The following NEMP2 variants were observed in gnomAD, a reference collection of about 807,000 sequenced individuals.
The protein encoded by NEMP2 is UPF0571 transmembrane protein.
NEMP2 carries 53 observed loss-of-function variants against 54.2 expected under a neutral mutation model. That is an observed-to-expected ratio of 0.98 (90% CI 0.78 to 1.23). The LOEUF is 1.23. Among genes scored for constraint, NEMP2 ranks in the 50% most tolerant of loss-of-function variants. The pLI, the probability that NEMP2 is intolerant of heterozygous loss-of-function variation, is 0.00. For synonymous variants in NEMP2, 197 were observed against 190.3 expected (o/e 1.04, Z -0.29); for missense variants, 455 against 511.3 (o/e 0.89, Z 1.06).
upstream of NEMP2, among the ~76,000 whole-genome samples, chr2:190,535,386 TAAAA>T (rs919173215): frequency 7.2e-5 from 11 of 151,918 alleles, no homozygotes; most frequent in Middle Eastern, 3.4e-3. Context: ...TACCTTATGT[TAAAA>T]AAAAGTTTCT....
the NEMP2 span, among the ~76,000 whole-genome samples, chr2:190,621,210 A>G: frequency 4.5e-3 from 683 of 152,362 alleles, 6 homozygotes; most frequent in African/African-American, 0.015. Flanking sequence ...CACAGAGTGT[A>G]CTTATACAAA....
At chr2:190,639,250 T>C in the NEMP2 span, among the ~76,000 whole-genome samples, 4 of 151,990 alleles carry the variant, frequency 2.6e-5, no homozygotes, top group Non-Finnish European at 5.9e-5. Flanking sequence ...AAGAATTTGG[T>C]GTGGTGGGGT....
At chr2:190,641,728 C>A in the NEMP2 span, among the ~76,000 whole-genome samples, 1 of 152,156 alleles carries the variant, frequency 6.6e-6, no homozygotes, top group Admixed American at 6.5e-5. Flanking sequence ...GCCAGTGTGG[C>A]TGACACCTAA....
chr2:190,522,562 A>G lies in NEMP2; in HGVS notation c.213+2701T>C, dbSNP rs1038946265. Among the ~76,000 whole-genome samples, 2 of 152,184 alleles carry G rather than the reference A, an allele frequency of 1.3e-5. No homozygotes were observed. Among genetic ancestry groups the G allele is most frequent in the Non-Finnish European group, 2.9e-5 (2 of 68,038 alleles). ...GGGCACTCCAAAGTTAACCTGAAAA[A>G]TTGGTTCAGGCTATGCCAGGAAGCA... On this transcript the variant is annotated intron_variant, in intron 2 of 8. Coordinates refer to ENST00000409150, the MANE Select transcript of NEMP2 (RefSeq NM_001142645.2). This position sits in a 1 kb window ranked among gnomAD's most constrained non-coding sequence, Gnocchi z 5.0.
At chr2:190,441,194 C>T in the NEMP2 span, among the ~76,000 whole-genome samples, 1 of 152,032 alleles carries the variant, frequency 6.6e-6, no homozygotes, top group Non-Finnish European at 1.5e-5. Context: ...CTCCTTGCCC[C>T]GTATGAAAGG....
chr2:190,470,007 A>G, the NEMP2 span: 14 of 569,890 alleles, frequency 2.5e-5, no homozygotes, highest in Non-Finnish European at 4.2e-5. Flanking sequence ...AGATGACATC[A>G]GGAGGGATGG....
upstream of NEMP2, chr2:190,535,013 G>C (rs930483199): frequency 5.1e-6 from 1 of 196,696 alleles, no homozygotes; most frequent in Admixed American, 6.1e-5. Flanking sequence ...CGCTGCCCTC[G>C]GCGCAGGGGT....
chr2:190,519,201 G>A lies in NEMP2; in HGVS notation c.214-18C>T. On this transcript the variant is annotated intron_variant, in intron 2 of 8. Coordinates refer to ENST00000409150, the MANE Select transcript of NEMP2 (RefSeq NM_001142645.2). The surrounding 1 kb of genome is among the most constrained non-coding windows in gnomAD (Gnocchi z 5.4). ...ATTTTCACCTGTAAAACAAGAACAA[G>A]CAAATCCATAAACAGAATAACTTCT... The A allele has an allele frequency of 6.8e-7, 1 of 1,476,952 alleles. No homozygotes were observed. Among genetic ancestry groups the A allele is most frequent in the Non-Finnish European group, 9.2e-7 (1 of 1,086,178 alleles). The allele number at this position is 1,476,952 out of a possible 1,614,324, so 91.5% of individuals were successfully genotyped here. A position where few individuals can be genotyped will look rare whatever the true frequency, so the allele number is the denominator to read the frequency against.
chr2:190,433,093 T>A, the NEMP2 span, among the ~76,000 whole-genome samples: 1 of 152,206 alleles, frequency 6.6e-6, no homozygotes, highest in Non-Finnish European at 1.5e-5. This position sits in a 1 kb window ranked among gnomAD's most constrained non-coding sequence, Gnocchi z 4.5. Context: ...TCTTTCTAGC[T>A]TGAATTATGA....
At chr2:190,570,691 T>A in the NEMP2 span, among the ~76,000 whole-genome samples, 2 of 152,224 alleles carry the variant, frequency 1.3e-5, no homozygotes, top group African/African-American at 4.8e-5. The surrounding 1 kb of genome is among the most constrained non-coding windows in gnomAD (Gnocchi z 5.4). Flanking sequence ...TGGGTCTCCC[T>A]AGTCACATGT....
chr2:190,516,893 C>A lies in NEMP2; in HGVS notation c.613-509G>T, dbSNP rs191928595. Reference sequence around the variant, plus strand: ...ATCGCTGGAGCTCAGGAGTTCAAGACCAGCCTGGGCAACATGGTGAAATCC... The same window carrying A: ...ATCGCTGGAGCTCAGGAGTTCAAGAACAGCCTGGGCAACATGGTGAAATCC... On this transcript the variant is annotated intron_variant, in intron 5 of 8. Coordinates refer to ENST00000409150, the MANE Select transcript of NEMP2 (RefSeq NM_001142645.2). 3.9e-5 allele frequency among the ~76,000 whole-genome samples: 6 copies of A among 152,148 alleles called. No homozygotes were observed. The East Asian group carries it at 1.2e-3, about 29-fold the overall frequency.
chr2:190,528,166 G>C lies in NEMP2; in HGVS notation c.98-2788C>G, dbSNP rs1400926094. Among the ~76,000 whole-genome samples, 1 of 152,196 alleles carries C rather than the reference G, an allele frequency of 6.6e-6. No homozygotes were observed. The highest frequency in any genetic ancestry group is 1.9e-4 in the East Asian group (1 of 5,194). On this transcript the variant is annotated intron_variant, in intron 1 of 8. Transcript: ENST00000409150. The surrounding 1 kb of genome is among the most constrained non-coding windows in gnomAD (Gnocchi z 4.3). ...TGAGATGCAAATGACTTCTGGCCAAGGGCAGCATAGGGGGAAGTGCAGTCC... is the reference window on the plus strand; with the variant it reads ...TGAGATGCAAATGACTTCTGGCCAACGGCAGCATAGGGGGAAGTGCAGTCC...
the NEMP2 span, among the ~76,000 whole-genome samples, chr2:190,437,886 C>T: frequency 6.6e-6 from 1 of 152,154 alleles, no homozygotes; most frequent in Non-Finnish European, 1.5e-5. This position sits in a 1 kb window ranked among gnomAD's most constrained non-coding sequence, Gnocchi z 5.9. Context: ...GCTTAGTGAA[C>T]ATATTATTCC....
In NEMP2 at chr2:190,531,791, G is replaced by C. The variant is rs1251992673; in HGVS notation, c.97+2768C>G. 6.6e-6 allele frequency among the ~76,000 whole-genome samples: 1 copy of C among 151,908 alleles called. No individual in the cohort carries two copies. Among genetic ancestry groups the C allele is most frequent in the African/African-American group, 2.4e-5 (1 of 41,344 alleles). On this transcript the variant is annotated intron_variant, in intron 1 of 8. Coordinates refer to ENST00000409150, the MANE Select transcript of NEMP2 (RefSeq NM_001142645.2). This position sits in a 1 kb window ranked among gnomAD's most constrained non-coding sequence, Gnocchi z 4.7. ...AAGTATATGTTTAAGTTAAAGAGTT[G>C]AGTCATATATACGGAAAAAAAAACC...
At chr2:190,618,859 G>A in the NEMP2 span, among the ~76,000 whole-genome samples, 1 of 152,270 alleles carries the variant, frequency 6.6e-6, no homozygotes, top group African/African-American at 2.4e-5. Context: ...TTACAGGCAT[G>A]AGCCACAGCA....
At chr2:190,469,733 A>AT in the NEMP2 span, 74 of 1,122,650 alleles carry the variant, frequency 6.6e-5, no homozygotes, top group Admixed American at 5.9e-4. The surrounding 1 kb of genome is among the most constrained non-coding windows in gnomAD (Gnocchi z 5.3). Context: ...TTTTTATTTT[A>AT]TTTTTATTTT....
At chr2:190,545,149 A>C in the NEMP2 span, among the ~76,000 whole-genome samples, 1 of 151,850 alleles carries the variant, frequency 6.6e-6, no homozygotes, top group Non-Finnish European at 1.5e-5. Flanking sequence ...AAAAAGATTT[A>C]TTTTTCAGTT....
the NEMP2 span, among the ~76,000 whole-genome samples, chr2:190,570,646 G>C: frequency 6.6e-6 from 1 of 152,334 alleles, no homozygotes; most frequent in South Asian, 2.1e-4. The surrounding 1 kb of genome is among the most constrained non-coding windows in gnomAD (Gnocchi z 5.4). Flanking sequence ...CTTTTCCAGG[G>C]GGGAATTCCC....
chr2:190,497,259 A>G, the NEMP2 span, among the ~76,000 whole-genome samples: 18 of 152,168 alleles, frequency 1.2e-4, no homozygotes, highest in Non-Finnish European at 2.1e-4. The surrounding 1 kb of genome is among the most constrained non-coding windows in gnomAD (Gnocchi z 5.2). Flanking sequence ...GATAAACATC[A>G]TGTTCATTGA....
Sources: gnomAD v4.1 joint callset for allele counts (sites outside exome capture counted in the v4.1 genomes callset) on GRCh38, gnomAD v4.1.1 for gene constraint, Gnocchi (gnomAD v3.1) non-coding constraint, MANE v1.5 for transcripts, NCBI Gene and HGNC (gene_info 2026-07-23, HGNC 2026-07-21) for gene names.